Variants in NSUN7 observed in about 807,000 individuals in gnomAD.
The protein encoded by NSUN7 is protein NSUN7.
Under a neutral mutation model 58.5 loss-of-function variants are expected in NSUN7, and 39 were observed. That is an observed-to-expected ratio of 0.67 (90% CI 0.52 to 0.87). The LOEUF (loss-of-function observed/expected upper bound fraction) is 0.87. NSUN7 is among the 40% of genes least tolerant of loss of function. NSUN7 has a pLI of 0.00. For synonymous variants in NSUN7, 278 were observed against 303.7 expected, an observed-to-expected ratio of 0.92 and a Z score of 0.88; for missense variants, 765 against 844.1, an observed-to-expected ratio of 0.91 and a Z score of 1.16.
rs577550815 is a variant in NSUN7 at position 40,787,991 on chromosome 4, C to T, written c.1037-2611C>T. Among the ~76,000 whole-genome samples, 7 of 152,236 alleles carry T rather than the reference C, an allele frequency of 4.6e-5. No individual in the cohort carries two copies. In the South Asian group the frequency reaches 6.2e-4, roughly 14 times the overall value. On this transcript the variant is annotated intron_variant, in intron 7 of 11. Coordinates refer to ENST00000381782, the MANE Select transcript of NSUN7 (RefSeq NM_024677.6). ...CTGGGATTACAGAGGCAGGCCATGA[C>T]GCCTGGCTAATTTTTGTATTTTTAG... is the stretch of plus-strand genomic sequence containing the variant.
At chr4:40,760,052 C>T (rs968614005) in intron 2 of NSUN7, among the ~76,000 whole-genome samples, 4 of 151,896 alleles carry the variant, frequency 2.6e-5, no homozygotes, top group African/African-American at 7.3e-5. Context: ...ACAAACAAAA[C>T]CAAAAAAATT....
intron 10 of NSUN7, among the ~76,000 whole-genome samples, chr4:40,804,733 T>C (rs1743744247): frequency 6.6e-6 from 1 of 152,118 alleles, no homozygotes; most frequent in South Asian, 2.1e-4. Flanking sequence ...CCAGAGTACA[T>C]GCTTCTCTGG....
At chr4:40,781,410 T>C (rs1040524150) in intron 7 of NSUN7, among the ~76,000 whole-genome samples, 1 of 152,066 alleles carries the variant, frequency 6.6e-6, no homozygotes, top group Non-Finnish European at 1.5e-5. Flanking sequence ...AAAGTCAATA[T>C]TGGATTTTTG....
chr4:40,778,416 C>A (rs187157118), intron 7 of NSUN7, among the ~76,000 whole-genome samples: 141 of 152,260 alleles, frequency 9.3e-4, no homozygotes, highest in Admixed American at 1.6e-3. Flanking sequence ...AAATCCTAAC[C>A]CCCGAAGTGA....
rs566319851 is a variant in NSUN7 at position 40,808,688 on chromosome 4, A to G, written c.1906A>G (p.Arg636Gly). 1.9e-6 allele frequency: 3 copies of G among 1,551,656 alleles called. No homozygotes were observed. The African/African-American group carries it at 4.1e-5, about 21-fold the overall frequency. The stretch of plus-strand genomic sequence containing the variant: ...GCGTGAACGGCAGACACACTTCTTA[A>G]GACCTCGGCCAGAAGACAGAATGGT... ...RPRERQTHFL[R>G]PRPEDRMVAL... Residue 636 changes from arginine (R) to glycine (G), a missense_variant, in exon 12 of 12, where the codon AGA becomes GGA. Coordinates refer to ENST00000381782, the MANE Select transcript of NSUN7 (RefSeq NM_024677.6).
At chr4:40,750,577 A>T in intron 1 of NSUN7, 26 bp from the exon 2 acceptor site, 2 of 1,217,184 alleles carry the variant, frequency 1.6e-6, no homozygotes, top group Non-Finnish European at 2.3e-6. Flanking sequence ...AGAGTGATTT[A>T]CTGCAATCAC....
At chr4:40,786,070 G>A (rs1742808786) in intron 7 of NSUN7, 2 of 1,534,896 alleles carry the variant, frequency 1.3e-6, no homozygotes, top group African/African-American at 1.4e-5. Flanking sequence ...AAAGCAAGAA[G>A]AGAAAAGCAT....
chr4:40,801,525 A>T (rs946432254), intron 10 of NSUN7, among the ~76,000 whole-genome samples: 1 of 152,100 alleles, frequency 6.6e-6, no homozygotes, highest in Non-Finnish European at 1.5e-5. Flanking sequence ...TATTAGGAAG[A>T]GTTGCTGTTT....
intron 10 of NSUN7, among the ~76,000 whole-genome samples, chr4:40,804,346 AG>A (rs1442073639): frequency 6.6e-6 from 1 of 151,996 alleles, no homozygotes. Context: ...AGGCTGAGGC[AG>A]GAGAATCGCT....
At chr4:40,782,921 G>T (rs143119746) in intron 7 of NSUN7, among the ~76,000 whole-genome samples, 31 of 152,098 alleles carry the variant, frequency 2.0e-4, no homozygotes, top group African/African-American at 7.5e-4. Flanking sequence ...AATATTCCAC[G>T]TTTAAGGATC....
chr4:40,769,790 C>T (rs866052186), intron 4 of NSUN7, among the ~76,000 whole-genome samples: 4 of 152,144 alleles, frequency 2.6e-5, no homozygotes, highest in Non-Finnish European at 4.4e-5. Flanking sequence ...ACATTCTCTC[C>T]GCTCCTTCTT....
At position 40,779,601 on chromosome 4, in the gene NSUN7, C is replaced by G. The variant is rs10020152; in HGVS notation, c.1036+3342C>G. On this transcript the variant is annotated intron_variant, in intron 7 of 11. Transcript: ENST00000381782. Reference sequence around the variant, plus strand: ...CCTGGGCCACAGAGCCAGACTGTTTCGAAAAAAACACTCTGTCTCTAAAAA... The same window carrying G: ...CCTGGGCCACAGAGCCAGACTGTTTGGAAAAAAACACTCTGTCTCTAAAAA... Among the ~76,000 whole-genome samples, 607 of 151,648 alleles carry G rather than the reference C, an allele frequency of 4.0e-3. 3 individuals carry two copies. The highest frequency in any genetic ancestry group is 0.013 in the African/African-American group (530 of 41,274).
chr4:40,793,391 G>A (rs954283047), intron 8 of NSUN7, among the ~76,000 whole-genome samples: 1 of 152,128 alleles, frequency 6.6e-6, no homozygotes, highest in African/African-American at 2.4e-5. Flanking sequence ...GCAGTGAGCC[G>A]AGATGGTGCC....
intron 8 of NSUN7, among the ~76,000 whole-genome samples, chr4:40,792,497 A>T (rs538803538): frequency 1.3e-5 from 2 of 152,278 alleles, no homozygotes; most frequent in South Asian, 2.1e-4. Context: ...CACGCCTGTA[A>T]TCCCAGCACT....
At chr4:40,807,639 C>T (rs370957424) in intron 11 of NSUN7, among the ~76,000 whole-genome samples, 1 of 152,080 alleles carries the variant, frequency 6.6e-6, no homozygotes, top group East Asian at 1.9e-4. Context: ...AACCACCGCA[C>T]CCGGCCAGCC....
chr4:40,793,014 T>C (rs1048710141), intron 8 of NSUN7, among the ~76,000 whole-genome samples: 1 of 152,190 alleles, frequency 6.6e-6, no homozygotes, highest in African/African-American at 2.4e-5. Context: ...GAGAAATATA[T>C]GAAGTTGGTC....
chr4:40,769,232 T>C (rs1412844539), intron 4 of NSUN7, among the ~76,000 whole-genome samples: 1 of 152,236 alleles, frequency 6.6e-6, no homozygotes, highest in African/African-American at 2.4e-5. Context: ...GGCCTATAAC[T>C]CTCACTTTCC....
At chr4:40,778,914 A>T (rs957350132) in intron 7 of NSUN7, among the ~76,000 whole-genome samples, 2 of 152,244 alleles carry the variant, frequency 1.3e-5, no homozygotes, top group East Asian at 3.8e-4. Context: ...AGATTTTTAT[A>T]TCCACCAAAA....
In NSUN7 at chr4:40,808,703, G is replaced by A; in HGVS notation, c.1921G>A (p.Asp641Asn). The A allele has an allele frequency of 6.4e-7, 1 of 1,551,322 alleles. No individual in the cohort carries two copies. The highest frequency in any genetic ancestry group is 8.7e-7 in the Non-Finnish European group (1 of 1,146,958). ...ACACTTCTTAAGACCTCGGCCAGAAGACAGAATGGTTGCTCTGAAACCCAT... is the reference window on the plus strand; with the variant it reads ...ACACTTCTTAAGACCTCGGCCAGAAAACAGAATGGTTGCTCTGAAACCCAT... ...QTHFLRPRPE[D>N]RMVALKPIKI... Residue 641 changes from aspartate (D) to asparagine (N), a missense_variant, in exon 12 of 12, where the codon GAC becomes AAC. Coordinates refer to ENST00000381782, the MANE Select transcript of NSUN7 (RefSeq NM_024677.6).
Sources: gnomAD v4.1 joint callset for allele counts (sites outside exome capture counted in the v4.1 genomes callset) on GRCh38, gnomAD v4.1.1 for gene constraint, MANE v1.5 for transcripts, NCBI Gene and HGNC (gene_info 2026-07-23, HGNC 2026-07-21) for gene names.